Variants in DLGAP2 observed in about 807,000 individuals in gnomAD.
DLGAP2 encodes the protein disks large-associated protein 2.
DLGAP2 carries 26 observed loss-of-function variants against 100.3 expected under a neutral mutation model. That is an observed-to-expected ratio of 0.26 (90% confidence interval 0.19 to 0.36). The LOEUF (loss-of-function observed/expected upper bound fraction) is 0.36. Ranked by LOEUF, DLGAP2 falls within the 10% of genes least tolerant of loss-of-function variation. The pLI, the probability that DLGAP2 is intolerant of heterozygous loss-of-function variation, is 1.00. For missense variants in DLGAP2, 1,858 were observed against 1,453.2 expected (o/e 1.28, Z -4.53); for synonymous variants, 886 against 630.1 (o/e 1.41, Z -6.08).
chr8:1,183,984 A>G (rs948553898), intron 2 of DLGAP2, among the ~76,000 whole-genome samples: 24 of 152,242 alleles, frequency 1.6e-4, no homozygotes, highest in Admixed American at 6.5e-4. Context: ...TTGGCCAATA[A>G]AAACATTTCT....
intron 7 of DLGAP2, among the ~76,000 whole-genome samples, chr8:1,631,168 G>A (rs1300885327): frequency 1.3e-5 from 2 of 152,146 alleles, no homozygotes; most frequent in East Asian, 1.9e-4. Flanking sequence ...TCACCTTCAT[G>A]TCTAGAACCT....
chr8:1,064,609 G>T (rs1387749557), intron 2 of DLGAP2, among the ~76,000 whole-genome samples: 1 of 152,104 alleles, frequency 6.6e-6, no homozygotes, highest in Non-Finnish European at 1.5e-5. Context: ...TAATTTGATG[G>T]CTTTCTTTTT....
At chr8:1,558,646 C>A (rs1563220480) in intron 5 of DLGAP2, among the ~76,000 whole-genome samples, 1 of 151,566 alleles carries the variant, frequency 6.6e-6, no homozygotes, top group African/African-American at 2.4e-5. Flanking sequence ...ATTACACATA[C>A]ATAAACACAC....
intron 3 of DLGAP2, among the ~76,000 whole-genome samples, chr8:1,412,142 C>G (rs1431041922): frequency 3.9e-5 from 6 of 152,234 alleles, no homozygotes; most frequent in Admixed American, 3.9e-4. Flanking sequence ...CTCCTCCTCA[C>G]CTGTGCTCCC....
intron 2 of DLGAP2, among the ~76,000 whole-genome samples, chr8:1,180,983 G>A (rs1481943320): frequency 2.6e-5 from 1 of 39,034 alleles, no homozygotes; most frequent in Admixed American, 2.7e-4. Flanking sequence ...ACTTACTGTC[G>A]AGTGTGGGTG....
chr8:1,076,013 G>A (rs949557471), intron 2 of DLGAP2, among the ~76,000 whole-genome samples: 1 of 152,212 alleles, frequency 6.6e-6, no homozygotes, highest in African/African-American at 2.4e-5. Context: ...GCAATTGGAA[G>A]ATGCATTTGA....
At chr8:1,048,408 C>T (rs556776027) in intron 2 of DLGAP2, among the ~76,000 whole-genome samples, 1 of 152,146 alleles carries the variant, frequency 6.6e-6, no homozygotes, top group East Asian at 1.9e-4. Flanking sequence ...TCAGTAAGTG[C>T]TGATTCTAAA....
At chr8:1,280,057 C>T (rs1281503522) in intron 3 of DLGAP2, among the ~76,000 whole-genome samples, 3 of 152,208 alleles carry the variant, frequency 2.0e-5, no homozygotes, top group East Asian at 1.9e-4. Context: ...CATGCACTCA[C>T]GTAAGGTCTG....
chr8:1,417,878 C>T lies in DLGAP2; in HGVS notation c.107-83488C>T, dbSNP rs148025624. Among the ~76,000 whole-genome samples the T allele has an allele frequency of 5.7e-3, 869 of 152,270 alleles. 9 individuals are homozygous for T. The highest frequency in any genetic ancestry group is 0.02 in the African/African-American group (814 of 41,536). ...TGGCGGGAATTCAGAGTTCACAACA[C>T]AAAAGTGCAGTTCCAGGAGCCTTTT... On this transcript the variant is annotated intron_variant, in intron 3 of 14. Transcript: ENST00000637795.
At chr8:1,601,389 A>G (rs767565279) in intron 6 of DLGAP2, among the ~76,000 whole-genome samples, 6 of 152,356 alleles carry the variant, frequency 3.9e-5, no homozygotes, top group Non-Finnish European at 8.8e-5. Flanking sequence ...GCCTTAGCAG[A>G]GCTCGAGCGC....
chr8:1,237,607 G>A (rs1419959380), intron 2 of DLGAP2, among the ~76,000 whole-genome samples: 18 of 142,750 alleles, frequency 1.3e-4, no homozygotes, highest in East Asian at 2.2e-4. Context: ...ACATGGCGCC[G>A]TGTCTAGTTA....
At chr8:982,038 C>G (rs1463410307) in intron 2 of DLGAP2, among the ~76,000 whole-genome samples, 1 of 152,208 alleles carries the variant, frequency 6.6e-6, no homozygotes, top group South Asian at 2.1e-4. Context: ...TTTAAACTTG[C>G]TTTGCTCCTG....
intron 3 of DLGAP2, among the ~76,000 whole-genome samples, chr8:1,456,155 G>C (rs542172643): frequency 5.4e-4 from 82 of 152,298 alleles, no homozygotes; most frequent in African/African-American, 2.0e-3. Context: ...GCCGGTTTTT[G>C]AGCCACCTCT....
At chr8:1,410,043 A>T (rs1563129385) in intron 3 of DLGAP2, among the ~76,000 whole-genome samples, 1 of 152,050 alleles carries the variant, frequency 6.6e-6, no homozygotes, top group Non-Finnish European at 1.5e-5. Flanking sequence ...AGGTGTGTAG[A>T]CCTTTGGCTA....
chr8:817,995 C>T lies in DLGAP2; in HGVS notation c.18+80170C>T, dbSNP rs947149232. Among the ~76,000 whole-genome samples, 6 of 152,178 alleles carry T rather than the reference C, an allele frequency of 3.9e-5. No homozygotes were observed. The East Asian group carries it at 1.2e-3, about 29-fold the overall frequency. Reference sequence around the variant, plus strand: ...TGTGGTCCCATAGGGAGGAAGCAAACTTGCCCTAGGGTGTACCTGGTTAAA... The same window carrying T: ...TGTGGTCCCATAGGGAGGAAGCAAATTTGCCCTAGGGTGTACCTGGTTAAA... On this transcript the variant is annotated intron_variant, in intron 1 of 14. Coordinates refer to ENST00000637795, the MANE Select transcript of DLGAP2 (RefSeq NM_001346810.2).
rs762209942 is a variant in DLGAP2, at chr8:1,682,680, G to A, written c.2704+4051G>A. On this transcript the variant is annotated intron_variant, in intron 12 of 14. Coordinates refer to ENST00000637795, the MANE Select transcript of DLGAP2 (RefSeq NM_001346810.2). ...GTAGAGATGGAGTTTCACCATGTTG[G>A]CCAGGATAATCGTGAACTCCTGGCC... 4.0e-5 allele frequency among the ~76,000 whole-genome samples: 6 copies of A among 151,332 alleles called. 1 individual carries two copies. The highest frequency in any genetic ancestry group is 7.4e-5 in the Non-Finnish European group (5 of 67,652).
intron 4 of DLGAP2, among the ~76,000 whole-genome samples, chr8:1,530,386 AAG>A (rs1472579193): frequency 6.6e-6 from 1 of 152,074 alleles, no homozygotes; most frequent in Non-Finnish European, 1.5e-5. Context: ...GTCAGAGTTT[AAG>A]GTTATCTCTC....
intron 3 of DLGAP2, among the ~76,000 whole-genome samples, chr8:1,493,690 G>A (rs1345126195): frequency 6.6e-6 from 1 of 152,196 alleles, no homozygotes; most frequent in Non-Finnish European, 1.5e-5. Flanking sequence ...AGAAGTAAGT[G>A]TGCTTTTCAG....
At chr8:1,116,274 C>G (rs1009418769) in intron 2 of DLGAP2, among the ~76,000 whole-genome samples, 1 of 152,198 alleles carries the variant, frequency 6.6e-6, no homozygotes, top group Admixed American at 6.5e-5. Flanking sequence ...TGTCAAGTGA[C>G]TAAGGGTTAC....
Sources: allele counts gnomAD v4.1 joint callset (sites outside exome capture counted in the v4.1 genomes callset), GRCh38; gene constraint gnomAD v4.1.1; transcripts MANE v1.5; gene names NCBI Gene and HGNC (gene_info 2026-07-23, HGNC 2026-07-21).